The following TRMT11 variants were observed in gnomAD, a reference collection of about 807,000 sequenced individuals.
TRMT11 encodes the protein tRNA methyltransferase 11.
TRMT11 carries 53 observed loss-of-function variants against 62.8 expected under a neutral mutation model. The ratio of observed to expected loss-of-function variants is 0.84; its 90% CI spans 0.68 to 1.06. The LOEUF is 1.06. TRMT11 is among the 50% of genes least tolerant of loss of function. The probability of loss-of-function intolerance (pLI) is 0.00; values close to 1 mark genes in which losing one functional copy is unlikely to be tolerated. For synonymous variants in TRMT11, 188 were observed against 190.3 expected, an observed-to-expected ratio of 0.99 and a Z score of 0.10; for missense variants, 556 against 553.4, an observed-to-expected ratio of 1.00 and a Z score of -0.05.
intron 12 of TRMT11, among the ~76,000 whole-genome samples, chr6:126,033,559 G>A (rs1230716773): frequency 1.3e-5 from 2 of 152,048 alleles, no homozygotes; most frequent in African/African-American, 4.8e-5. Context: ...CGTTAGAATC[G>A]CTGAGGTGAA....
chr6:126,055,983 G>T (rs1776363356), intron 17 of TRMT11, among the ~76,000 whole-genome samples: 1 of 152,136 alleles, frequency 6.6e-6, no homozygotes, highest in African/African-American at 2.4e-5. Flanking sequence ...GTCACAGATG[G>T]CTTAGCTCAA....
chr6:126,258,253 T>A, the TRMT11 span: 2 of 579,796 alleles, frequency 3.4e-6, no homozygotes, highest in East Asian at 4.3e-5. Context: ...GGCCTCCTCC[T>A]GCGGCCCTGG....
intron 17 of TRMT11, among the ~76,000 whole-genome samples, chr6:126,100,885 T>G (rs1197328322): frequency 6.6e-6 from 1 of 152,034 alleles, no homozygotes; most frequent in Admixed American, 6.5e-5. Context: ...AGGTCTCCTG[T>G]GGGGGTGATG....
chr6:126,023,180 A>G (rs1796074374), intron 12 of TRMT11, among the ~76,000 whole-genome samples: 1 of 152,220 alleles, frequency 6.6e-6, no homozygotes, highest in Non-Finnish European at 1.5e-5. Flanking sequence ...TTAAACATTA[A>G]AAACATTGCA....
At chr6:126,230,152 G>C in the TRMT11 span, among the ~76,000 whole-genome samples, 1 of 152,126 alleles carries the variant, frequency 6.6e-6, no homozygotes, top group Admixed American at 6.6e-5. Context: ...CTTACTTACA[G>C]GGATGGTCCA....
chr6:125,997,036 C>T (rs17053729), intron 3 of TRMT11, among the ~76,000 whole-genome samples: 11,905 of 152,146 alleles, frequency 0.078, 1,473 homozygotes, highest in African/African-American at 0.26. Flanking sequence ...TTTAAAATAG[C>T]CACTGGAGTA....
At chr6:126,061,963 A>G (rs998378039) in intron 17 of TRMT11, among the ~76,000 whole-genome samples, 15 of 152,096 alleles carry the variant, frequency 9.9e-5, no homozygotes, top group African/African-American at 3.6e-4. Context: ...GCTCACTGCA[A>G]CCTCCACTTC....
chr6:126,024,990 G>GT (rs1437047729), intron 12 of TRMT11, among the ~76,000 whole-genome samples: 1 of 152,150 alleles, frequency 6.6e-6, no homozygotes, highest in African/African-American at 2.4e-5. Flanking sequence ...AGATTTTGCA[G>GT]TTTTAAGTCG....
At position 126,097,382 on chromosome 6, in the gene TRMT11, GTAAT is replaced by G. The variant is rs1345044934; in HGVS notation, c.*1438-15481_*1438-15478del. Among the ~76,000 whole-genome samples the G allele has an allele frequency of 3.3e-5, 5 of 152,038 alleles. No homozygotes were observed. The East Asian group carries it at 9.6e-4, about 29-fold the overall frequency. On this transcript the variant is annotated intron_variant and NMD_transcript_variant, in intron 17 of 22. Transcript: ENST00000648977. ...CAAGAAGACCATACAGTAATAAATG[GTAAT>G]TATTTTAAATAATACTCAAGGGAAG... is the stretch of plus-strand genomic sequence containing the variant.
intron 11 of TRMT11, among the ~76,000 whole-genome samples, chr6:126,019,067 A>T (rs1795419487): frequency 6.6e-6 from 1 of 152,052 alleles, no homozygotes; most frequent in Admixed American, 6.6e-5. Flanking sequence ...TTTAGCAGAG[A>T]CGGGGTTTCA....
chr6:126,107,860 C>T (rs1215825401), intron 17 of TRMT11, among the ~76,000 whole-genome samples: 1 of 152,136 alleles, frequency 6.6e-6, no homozygotes, highest in African/African-American at 2.4e-5. Flanking sequence ...TCGCGTGATT[C>T]ATATTAGAAG....
the TRMT11 span, among the ~76,000 whole-genome samples, chr6:126,245,310 G>A: frequency 2.0e-4 from 30 of 152,164 alleles, no homozygotes; most frequent in Non-Finnish European, 1.5e-5. Flanking sequence ...TGCCTTTTAT[G>A]CATATACATA....
At chr6:126,041,264 G>A (rs373063434), downstream of TRMT11, among the ~76,000 whole-genome samples, 1 of 152,076 alleles carries the variant, frequency 6.6e-6, no homozygotes, top group African/African-American at 2.4e-5. Context: ...GCATTGTAGT[G>A]GGTGTGTTTA....
intron 21 of TRMT11, among the ~76,000 whole-genome samples, chr6:126,166,725 C>T (rs1286876217): frequency 1.3e-5 from 2 of 152,210 alleles, no homozygotes; most frequent in African/African-American, 2.4e-5. Flanking sequence ...GCCCCTTCCC[C>T]CAGGTGCTCT....
chr6:126,179,257 C>T (rs1182092561), intron 1 of TRMT11, among the ~76,000 whole-genome samples: 1 of 152,192 alleles, frequency 6.6e-6, no homozygotes, highest in East Asian at 1.9e-4. Context: ...ATTCACTCTT[C>T]ATCTTTCAAG....
chr6:126,231,659 C>A, the TRMT11 span, among the ~76,000 whole-genome samples: 1 of 152,106 alleles, frequency 6.6e-6, no homozygotes, highest in African/African-American at 2.4e-5. Flanking sequence ...ATTGTTGTAG[C>A]CCCTGTTATG....
At chr6:126,092,447 T>C (rs1777287452) in intron 17 of TRMT11, among the ~76,000 whole-genome samples, 1 of 152,128 alleles carries the variant, frequency 6.6e-6, no homozygotes, top group South Asian at 2.1e-4. Flanking sequence ...ATGAGACATA[T>C]GCACTACCAT....
At position 126,064,648 on chromosome 6, in the gene TRMT11, C is replaced by T. The variant is rs150108844; in HGVS notation, c.*1437+11458C>T. Among the ~76,000 whole-genome samples, 1,155 of 152,042 alleles carry T rather than the reference C, an allele frequency of 7.6e-3. 6 individuals carry two copies. Among genetic ancestry groups the T allele is most frequent in the Non-Finnish European group, 9.4e-3 (637 of 67,978 alleles). On this transcript the variant is annotated intron_variant and NMD_transcript_variant, in intron 17 of 22. Transcript: ENST00000648977. ...ATGACAATTTATGGCAAGATAAAAA[C>T]GCCCAAACCATAAAGTGCAAATACC... is the stretch of plus-strand genomic sequence containing the variant.
intron 1 of TRMT11, among the ~76,000 whole-genome samples, chr6:126,190,200 C>G (rs532809770): frequency 6.6e-6 from 1 of 152,104 alleles, no homozygotes; most frequent in African/African-American, 2.4e-5. Flanking sequence ...TTCATCTACC[C>G]GCTTTCCCCT....
Sources: allele counts gnomAD v4.1 joint callset (sites outside exome capture counted in the v4.1 genomes callset), GRCh38; gene constraint gnomAD v4.1.1; transcripts MANE v1.5; gene names NCBI Gene and HGNC (gene_info 2026-07-23, HGNC 2026-07-21).